Variants in NUGGC observed in about 807,000 individuals in gnomAD.
The protein encoded by NUGGC is nuclear GTPase, germinal center associated, also known as nuclear GTPase SLIP-GC.
NUGGC carries 58 observed loss-of-function variants against 92.6 expected under a neutral mutation model. The observed-to-expected ratio is 0.63, with a 90% confidence interval of 0.51 to 0.78. NUGGC has a LOEUF of 0.78. Ranked by LOEUF, NUGGC falls within the 30% of genes least tolerant of loss-of-function variation. The pLI, the probability that NUGGC is intolerant of heterozygous loss-of-function variation, is 0.00. For synonymous variants in NUGGC, 376 were observed against 366.4 expected (o/e 1.03, Z -0.30); for missense variants, 925 against 964.6 (o/e 0.96, Z 0.54).
At chr8:28,025,193 T>C (rs1259004764) in intron 18 of NUGGC, among the ~76,000 whole-genome samples, 2 of 152,216 alleles carry the variant, frequency 1.3e-5, no homozygotes, top group African/African-American at 4.8e-5. Context: ...GCTGAGTGAA[T>C]GTAAACTCCC....
chr8:28,074,335 A>T, intron 2 of NUGGC, 33 bp downstream of exon 2: 3 of 1,467,902 alleles, frequency 2.0e-6, no homozygotes, highest in Non-Finnish European at 2.9e-6. Flanking sequence ...CAGTTCCTAT[A>T]TCCTCCATCA....
intron 8 of NUGGC, 139 bp downstream of exon 8, chr8:28,060,287 C>T: frequency 2.3e-6 from 2 of 873,252 alleles, no homozygotes; most frequent in Non-Finnish European, 3.7e-6. Flanking sequence ...AGTCACCCAG[C>T]CTTTTCTTTC....
At chr8:28,054,905 G>T (rs1810094826) in intron 10 of NUGGC, among the ~76,000 whole-genome samples, 1 of 151,910 alleles carries the variant, frequency 6.6e-6, no homozygotes. Context: ...TAATAAAATT[G>T]GCCAGGTGCA....
chr8:28,028,816 G>A (rs190992783), intron 17 of NUGGC, among the ~76,000 whole-genome samples: 285 of 152,290 alleles, frequency 1.9e-3, no homozygotes, highest in Non-Finnish European at 3.0e-3. Flanking sequence ...GACATTTTAT[G>A]TAGACAAGAC....
intron 2 of NUGGC, among the ~76,000 whole-genome samples, chr8:28,073,575 C>T (rs1194952271): frequency 6.6e-6 from 1 of 152,130 alleles, no homozygotes; most frequent in Admixed American, 6.6e-5. Flanking sequence ...GGGTTATATC[C>T]CTGTCATCGT....
intron 12 of NUGGC, among the ~76,000 whole-genome samples, chr8:28,042,502 G>A (rs1035896655): frequency 1.5e-4 from 23 of 152,224 alleles, no homozygotes; most frequent in Admixed American, 2.6e-4. Context: ...TTGTTACTTC[G>A]GAGACAAAGC....
chr8:28,023,286 T>A lies in NUGGC; in HGVS notation c.*31A>T. 6.3e-7 allele frequency: 1 copy of A among 1,599,468 alleles called. No homozygotes were observed. The highest frequency in any genetic ancestry group is 1.3e-5 in the African/African-American group (1 of 74,424). On this transcript the variant is annotated 3_prime_UTR_variant, in exon 19 of 19. Coordinates refer to ENST00000413272, the MANE Select transcript of NUGGC (RefSeq NM_001010906.2). ...TTCTAATTCTCTGGCTCTGGGCTGA[T>A]TTTTCATCCATTGGGACTAAGCCCC...
intron 11 of NUGGC, 144 bp downstream of exon 11, chr8:28,047,363 T>A (rs1809865734): frequency 1.7e-6 from 1 of 585,978 alleles, no homozygotes; most frequent in Non-Finnish European, 3.0e-6. Flanking sequence ...GAGGAAAATA[T>A]CCTTATTTGC....
chr8:28,062,347 G>C (rs776302854), intron 7 of NUGGC, among the ~76,000 whole-genome samples: 11 of 152,106 alleles, frequency 7.2e-5, no homozygotes, highest in Admixed American at 3.3e-4. Context: ...GGCCAGATGT[G>C]GTGGCTCACG....
chr8:28,029,932 C>G (rs1249085063), intron 16 of NUGGC, among the ~76,000 whole-genome samples: 1 of 152,134 alleles, frequency 6.6e-6, no homozygotes, highest in South Asian at 2.1e-4. Context: ...AAATCACTCC[C>G]TACCCCTCAA....
intron 8 of NUGGC, 167 bp downstream of exon 8, chr8:28,060,259 G>C: frequency 1.3e-6 from 1 of 743,488 alleles, no homozygotes; most frequent in Non-Finnish European, 2.4e-6. Context: ...CCCAACCAAG[G>C]GTCCTGATGT....
intron 11 of NUGGC, among the ~76,000 whole-genome samples, chr8:28,046,631 T>A (rs1275846327): frequency 6.6e-6 from 1 of 151,982 alleles, no homozygotes; most frequent in Non-Finnish European, 1.5e-5. Flanking sequence ...CAGGAAACAA[T>A]TCTAATGCCT....
At chr8:28,049,243 C>G (rs1019708726) in intron 10 of NUGGC, among the ~76,000 whole-genome samples, 1 of 152,178 alleles carries the variant, frequency 6.6e-6, no homozygotes, top group Non-Finnish European at 1.5e-5. Flanking sequence ...AGCCCACCCC[C>G]ACCAACCCCC....
rs141794905 is a variant in NUGGC, at chr8:28,043,769, A to G, written c.1446+1758T>C. Among the ~76,000 whole-genome samples the G allele has an allele frequency of 3.9e-3, 592 of 152,308 alleles. 6 individuals carry two copies. Among genetic ancestry groups the G allele is most frequent in the African/African-American group, 0.014 (573 of 41,570 alleles). On this transcript the variant is annotated intron_variant, in intron 12 of 18. Coordinates refer to ENST00000413272, the MANE Select transcript of NUGGC (RefSeq NM_001010906.2). The stretch of plus-strand genomic sequence containing the variant: ...ACCTCACACAGCCCACATCGGATTC[A>G]TTTTCCATCAGCACTTCCAAAAGCA...
At chr8:28,060,624 G>T (rs749842163) in intron 7 of NUGGC, 23 bp from the exon 8 acceptor site, 14 of 1,600,842 alleles carry the variant, frequency 8.7e-6, no homozygotes, top group Non-Finnish European at 1.2e-5. Context: ...ACCACGGCAT[G>T]TGTCAGCACA....
rs749005933 is a variant in NUGGC, at chr8:28,067,708, G to C, written c.517C>G (p.Leu173Val). The C allele has an allele frequency of 6.2e-7, 1 of 1,613,942 alleles. No homozygotes were observed. The highest frequency in any genetic ancestry group is 1.7e-5 in the Admixed American group (1 of 60,020). The stretch of plus-strand genomic sequence containing the variant: ...CTGCTCAGCTCCTCCGTCCTATGCA[G>C]GAGTTTGGTCAGGTTCTTCAGCTCC... ...REELKNLTKL[L>V]HRTEELSREE... The change falls in exon 6 of 19, where the codon CTG (leucine) becomes GTG (valine). Residue 173 changes from leucine (L) to valine (V), a missense_variant. By Grantham distance (32) the Leu-to-Val change is conservative. Coordinates refer to ENST00000413272, the MANE Select transcript of NUGGC (RefSeq NM_001010906.2).
chr8:28,083,146 T>C (rs1363664622), intron 1 of NUGGC, among the ~76,000 whole-genome samples: 4 of 152,152 alleles, frequency 2.6e-5, no homozygotes, highest in Admixed American at 2.0e-4. Flanking sequence ...ACGGCGGAGA[T>C]TGGAGCAGGG....
At chr8:28,026,550 AG>A (rs1809265271) in intron 18 of NUGGC, among the ~76,000 whole-genome samples, 1 of 152,228 alleles carries the variant, frequency 6.6e-6, no homozygotes, top group South Asian at 2.1e-4. Context: ...TGGAGAGAGC[AG>A]GGCAGAGCTG....
At chr8:28,044,968 A>G (rs1809793241) in intron 12 of NUGGC, among the ~76,000 whole-genome samples, 1 of 152,220 alleles carries the variant, frequency 6.6e-6, no homozygotes, top group Non-Finnish European at 1.5e-5. Flanking sequence ...AGAGATAAAT[A>G]TGTCAATTAC....
Sources: allele counts gnomAD v4.1 joint callset (sites outside exome capture counted in the v4.1 genomes callset), GRCh38; gene constraint gnomAD v4.1.1; transcripts MANE v1.5; gene names NCBI Gene and HGNC (gene_info 2026-07-23, HGNC 2026-07-21).